GLT1D1: variants seen among roughly 807,000 people sequenced by gnomAD.
The protein encoded by GLT1D1 is glycosyltransferase 1 domain containing 1.
In GLT1D1, 21 loss-of-function variants were observed where a neutral mutation model predicts 28.7. The ratio of observed to expected loss-of-function variants is 0.73; its 90% CI spans 0.52 to 1.05. The LOEUF is 1.05. GLT1D1 is among the 50% of genes least tolerant of loss of function. The probability of loss-of-function intolerance (pLI) is 0.00; values close to 1 mark genes in which losing one functional copy is unlikely to be tolerated. For missense variants in GLT1D1, 343 were observed against 330.6 expected (o/e 1.04, Z -0.29); for synonymous variants, 147 against 124.8 (o/e 1.18, Z -1.19).
chr12:128,914,182 T>A (rs1330191809), intron 4 of GLT1D1, among the ~76,000 whole-genome samples: 1 of 152,176 alleles, frequency 6.6e-6, no homozygotes, highest in Non-Finnish European at 1.5e-5. Context: ...TAAATGTAAC[T>A]TCTCTCTCTG....
At chr12:128,920,185 A>G in intron 4 of GLT1D1, among the ~76,000 whole-genome samples, 1 of 152,186 alleles carries the variant, frequency 6.6e-6, no homozygotes, top group East Asian at 1.9e-4. Flanking sequence ...CAGCTTTTTC[A>G]GCTATAATTT....
At position 128,935,306 on chromosome 12, in the gene GLT1D1, C is replaced by CT. The variant is rs550484696; in HGVS notation, c.376-10019dup. ...TCACGTCTGTAATCCTTTTGGGAGGCTGAGGTGGGCGGATCGCTTGAGGTC... is the reference window on the plus strand; with the variant it reads ...TCACGTCTGTAATCCTTTTGGGAGGCTTGAGGTGGGCGGATCGCTTGAGGTC... On this transcript the variant is annotated intron_variant, in intron 4 of 7. Coordinates refer to ENST00000281703, the MANE Select transcript of GLT1D1 (RefSeq NM_144669.3). Among the ~76,000 whole-genome samples, 12 of 152,154 alleles carry CT rather than the reference C, an allele frequency of 7.9e-5. No homozygotes were observed. The East Asian group carries it at 2.1e-3, about 27-fold the overall frequency.
At chr12:128,970,641 G>C (rs944547798) in intron 7 of GLT1D1, among the ~76,000 whole-genome samples, 3 of 152,224 alleles carry the variant, frequency 2.0e-5, no homozygotes, top group Non-Finnish European at 4.4e-5. Flanking sequence ...TTCTCTGTCC[G>C]GCACCTGAGC....
chr12:128,884,232 T>C (rs1222787081), intron 2 of GLT1D1, among the ~76,000 whole-genome samples: 1 of 152,200 alleles, frequency 6.6e-6, no homozygotes, highest in African/African-American at 2.4e-5. Flanking sequence ...ACGAAGGATA[T>C]TCTGTCGTTT....
chr12:128,874,640 C>A (rs981330838), intron 1 of GLT1D1, among the ~76,000 whole-genome samples: 2 of 151,944 alleles, frequency 1.3e-5, no homozygotes, highest in Non-Finnish European at 2.9e-5. Flanking sequence ...TGTCACCATG[C>A]CCAGTGCATT....
At chr12:128,931,381 C>T (rs1873866967) in intron 4 of GLT1D1, among the ~76,000 whole-genome samples, 1 of 150,522 alleles carries the variant, frequency 6.6e-6, no homozygotes, top group Non-Finnish European at 1.5e-5. Context: ...GATCTCGGCT[C>T]ACTGCAACCT....
Position 128,899,290 on chromosome 12 carries a change from A to G in GLT1D1, c.375+3A>G. ...AGGAAATGGCACAAGCGCAGTGGGT[A>G]TGTGTTTATCTGGTGTTGTTATTTT... On this transcript the variant is annotated splice_donor_region_variant and intron_variant, in intron 4 of 7. Transcript: ENST00000281703. 1.2e-6 allele frequency: 2 copies of G among 1,611,914 alleles called. No homozygotes were observed. Among genetic ancestry groups the G allele is most frequent in the South Asian group, 1.1e-5 (1 of 91,034 alleles).
intron 1 of GLT1D1, among the ~76,000 whole-genome samples, chr12:128,874,155 T>G (rs1956813459): frequency 7.6e-6 from 1 of 132,256 alleles, no homozygotes; most frequent in Non-Finnish European, 1.6e-5. Context: ...TCTTTCTTTC[T>G]TTCTTTCTTT....
chr12:128,968,802 C>G (rs1432340164), intron 7 of GLT1D1, among the ~76,000 whole-genome samples: 7 of 152,064 alleles, frequency 4.6e-5, no homozygotes, highest in Non-Finnish European at 1.0e-4. Flanking sequence ...GAGGGTGGGT[C>G]CCTTGCCTCG....
intron 3 of GLT1D1, among the ~76,000 whole-genome samples, chr12:128,889,562 G>T (rs139190065): frequency 4.5e-4 from 69 of 152,206 alleles, no homozygotes; most frequent in Non-Finnish European, 9.3e-4. Context: ...CCCCAGGGTG[G>T]GGGAAGTTAT....
In GLT1D1 at chr12:128,853,665, C is replaced by T. The variant is rs1956128157; in HGVS notation, c.68+16C>T. ...AGCGCGTTCGGTAGGTGCAGGGCGC[C>T]GGGGCCTACGAAGCCTGGGCCGGGG... On this transcript the variant is annotated intron_variant, in intron 1 of 7. Coordinates refer to ENST00000281703, the MANE Select transcript of GLT1D1 (RefSeq NM_144669.3). 3 of 1,099,030 alleles carry T rather than the reference C, an allele frequency of 2.7e-6. No individual in the cohort carries two copies. Among genetic ancestry groups the T allele is most frequent in the Non-Finnish European group, 3.3e-6 (3 of 902,278 alleles). 68.1% of individuals were successfully genotyped at this position (1,099,030 alleles called of 1,614,324 possible).
chr12:128,964,276 GA>G (rs1878242727), intron 7 of GLT1D1, among the ~76,000 whole-genome samples: 2 of 152,134 alleles, frequency 1.3e-5, no homozygotes, highest in African/African-American at 4.8e-5. Context: ...CCAGCTACTC[GA>G]GAGGCTGAGA....
chr12:128,978,237 G>GA (rs1426695906), intron 7 of GLT1D1, among the ~76,000 whole-genome samples: 1 of 152,098 alleles, frequency 6.6e-6, no homozygotes, highest in Admixed American at 6.6e-5. Flanking sequence ...AAACCTGTGT[G>GA]AAACCTGCAG....
intron 4 of GLT1D1, 117 bp from the exon 9 acceptor site, chr12:128,945,209 C>A: frequency 1.9e-6 from 2 of 1,043,606 alleles, no homozygotes; most frequent in Non-Finnish European, 3.0e-6. Context: ...ACCCCCGTGG[C>A]CGCAGACCGA....
At chr12:128,917,517 A>G (rs1872220953) in intron 4 of GLT1D1, among the ~76,000 whole-genome samples, 1 of 152,144 alleles carries the variant, frequency 6.6e-6, no homozygotes, top group African/African-American at 2.4e-5. Flanking sequence ...AGCTCAAGTA[A>G]GCCATCTGCC....
chr12:128,899,550 T>TTTTTTTTTTTTTTTTTTTTTTTTG (rs1870013529), intron 4 of GLT1D1, among the ~76,000 whole-genome samples: 1 of 125,280 alleles, frequency 8.0e-6, no homozygotes. Context: ...GTTGCTGTTT[T>TTTTTTTTTTTTTTTTTTTTTTTTG]TTTTTTTTTT....
intron 7 of GLT1D1, among the ~76,000 whole-genome samples, chr12:128,969,089 C>T (rs186767286): frequency 2.0e-5 from 3 of 151,804 alleles, no homozygotes; most frequent in Non-Finnish European, 4.4e-5. Context: ...TAGCCCTCGT[C>T]CTCCTCTCTG....
chr12:128,945,345 G>A lies in GLT1D1; in HGVS notation c.395G>A (p.Arg132Lys). ...TTTCAGGTCGATCCAGTGTTTACAA[G>A]GGAAGTGAAAGCCAAAGTGAAAAGG... The change falls in exon 5 of 8, where the codon AGG (arginine) becomes AAG (lysine). Residue 132 changes from arginine (R) to lysine (K), a missense_variant. Physicochemically the swap from Arg to Lys is conservative, Grantham distance 26. Transcript: ENST00000281703. 1 of 1,614,126 alleles carries A rather than the reference G, an allele frequency of 6.2e-7. No homozygotes were observed. Among genetic ancestry groups the A allele is most frequent in the Non-Finnish European group, 8.5e-7 (1 of 1,179,952 alleles).
intron 4 of GLT1D1, among the ~76,000 whole-genome samples, chr12:128,922,439 G>C (rs544451320): frequency 6.6e-6 from 1 of 152,078 alleles, no homozygotes; most frequent in Non-Finnish European, 1.5e-5. Context: ...ATCTTGAAAA[G>C]TTTTCTCCAT....
Sources: allele counts gnomAD v4.1 joint callset (sites outside exome capture counted in the v4.1 genomes callset), GRCh38; gene constraint gnomAD v4.1.1; transcripts MANE v1.5; gene names NCBI Gene and HGNC (gene_info 2026-07-23, HGNC 2026-07-21).